The following SNTG1 variants were observed in gnomAD, a reference collection of about 807,000 sequenced individuals.
SNTG1 encodes syntrophin gamma 1.
Under a neutral mutation model 74.7 loss-of-function variants are expected in SNTG1, and 39 were observed. The ratio of observed to expected loss-of-function variants is 0.52; its 90% CI spans 0.40 to 0.68. The LOEUF is 0.68. Among genes scored for constraint, SNTG1 ranks in the 30% least tolerant of loss-of-function variants. SNTG1 has a pLI of 0.00. For synonymous variants in SNTG1, 254 were observed against 217.1 expected (o/e 1.17, Z -1.49); for missense variants, 685 against 609.5 (o/e 1.12, Z -1.30).
chr8:50,275,974 C>G (rs2088076838), intron 2 of SNTG1, among the ~76,000 whole-genome samples: 1 of 152,162 alleles, frequency 6.6e-6, no homozygotes, highest in Non-Finnish European at 1.5e-5. Flanking sequence ...AGTCCTCCAA[C>G]TAACAAATAT....
chr8:50,776,249 C>T (rs1303528000), intron 18 of SNTG1, among the ~76,000 whole-genome samples: 2 of 150,534 alleles, frequency 1.3e-5, no homozygotes, highest in East Asian at 3.9e-4. Flanking sequence ...TTTGAGCATA[C>T]TTCAACATAT....
At chr8:50,739,561 G>A (rs982945528) in intron 17 of SNTG1, among the ~76,000 whole-genome samples, 2 of 151,910 alleles carry the variant, frequency 1.3e-5, no homozygotes, top group South Asian at 2.1e-4. Context: ...TCCATTACTG[G>A]GTATATACTG....
intron 1 of SNTG1, among the ~76,000 whole-genome samples, chr8:49,970,164 A>G (rs1811529296): frequency 6.6e-6 from 1 of 152,100 alleles, no homozygotes; most frequent in Non-Finnish European, 1.5e-5. Flanking sequence ...CTCCAGTAAT[A>G]TCTCTGTATC....
intron 12 of SNTG1, among the ~76,000 whole-genome samples, chr8:50,571,586 C>A (rs1184454760): frequency 2.0e-5 from 3 of 152,156 alleles, no homozygotes; most frequent in Non-Finnish European, 4.4e-5. Context: ...TGCTGGCCTG[C>A]CTTGCTGGCC....
At chr8:50,787,874 A>G (rs2095680148) in intron 18 of SNTG1, among the ~76,000 whole-genome samples, 3 of 152,074 alleles carry the variant, frequency 2.0e-5, no homozygotes, top group African/African-American at 7.2e-5. Flanking sequence ...TACTGGGTAT[A>G]GGATATATTT....
intron 15 of SNTG1, among the ~76,000 whole-genome samples, chr8:50,701,787 C>T (rs1415139949): frequency 1.4e-5 from 2 of 145,314 alleles, no homozygotes; most frequent in Non-Finnish European, 3.0e-5. Context: ...TCTTCCTCTT[C>T]CTCCTCCTCC....
chr8:50,079,679 C>T (rs1309196239), intron 1 of SNTG1, among the ~76,000 whole-genome samples: 1 of 152,016 alleles, frequency 6.6e-6, no homozygotes, highest in Non-Finnish European at 1.5e-5. Context: ...TTTTCTTCTA[C>T]AGTTTTTATG....
intron 15 of SNTG1, among the ~76,000 whole-genome samples, chr8:50,685,979 G>C (rs1263772467): frequency 6.6e-6 from 1 of 152,040 alleles, no homozygotes; most frequent in African/African-American, 2.4e-5. Flanking sequence ...TGGGTGCACG[G>C]GTACCAAACA....
At chr8:50,539,581 C>G (rs554902126) in intron 11 of SNTG1, among the ~76,000 whole-genome samples, 1 of 152,286 alleles carries the variant, frequency 6.6e-6, no homozygotes, top group East Asian at 1.9e-4. Context: ...GTGGGAGAGA[C>G]TCAGCTCCTT....
intron 12 of SNTG1, among the ~76,000 whole-genome samples, chr8:50,589,725 A>T (rs1419559897): frequency 6.6e-6 from 1 of 152,198 alleles, no homozygotes; most frequent in Non-Finnish European, 1.5e-5. Context: ...AGATTTCCAC[A>T]AAGTACTCAG....
chr8:50,291,272 A>G lies in SNTG1; in HGVS notation c.-27-102940A>G, dbSNP rs192288331. On this transcript the variant is annotated intron_variant, in intron 2 of 18. Transcript: ENST00000642720. ...TGTGTGTGTGTGTGTGTGTGTGTAGAATGCAATGTCAGATAATGAAAAGGA... is the reference window on the plus strand; with the variant it reads ...TGTGTGTGTGTGTGTGTGTGTGTAGGATGCAATGTCAGATAATGAAAAGGA... Among the ~76,000 whole-genome samples the G allele has an allele frequency of 1.0e-4, 15 of 149,132 alleles. 1 individual carries two copies. In the East Asian group the frequency reaches 2.8e-3, roughly 27 times the overall value.
intron 1 of SNTG1, among the ~76,000 whole-genome samples, chr8:50,032,703 T>G (rs1817833966): frequency 6.6e-6 from 1 of 152,200 alleles, no homozygotes; most frequent in South Asian, 2.1e-4. Flanking sequence ...ACTTTTCAGT[T>G]GTACTTTGAA....
chr8:50,512,244 C>T (rs2094085319), intron 9 of SNTG1, among the ~76,000 whole-genome samples: 1 of 151,610 alleles, frequency 6.6e-6, no homozygotes, highest in East Asian at 1.9e-4. Flanking sequence ...AATATTGGCC[C>T]CCAGTCTCTT....
At position 50,170,049 on chromosome 8, in the gene SNTG1, C is replaced by T. The variant is rs1192916362; in HGVS notation, c.-102-2512C>T. Among the ~76,000 whole-genome samples the T allele has an allele frequency of 4.6e-5, 7 of 152,110 alleles. No homozygotes were observed. In the East Asian group the frequency reaches 1.4e-3, roughly 29 times the overall value. On this transcript the variant is annotated intron_variant, in intron 1 of 18. Coordinates refer to ENST00000642720, the MANE Select transcript of SNTG1 (RefSeq NM_018967.5). Reference sequence around the variant, plus strand: ...CATCTAGCCATTGAACTTCCTTTCCCTTTTTGCTCTTCATATTTGCACCTG... The same window carrying T: ...CATCTAGCCATTGAACTTCCTTTCCTTTTTTGCTCTTCATATTTGCACCTG...
At chr8:49,924,653 A>C (rs1230240545) in intron 1 of SNTG1, among the ~76,000 whole-genome samples, 1 of 152,092 alleles carries the variant, frequency 6.6e-6, no homozygotes, top group African/African-American at 2.4e-5. Flanking sequence ...GAGGGAGTTT[A>C]GACATTAATT....
chr8:50,626,677 T>G (rs182026410), intron 13 of SNTG1, among the ~76,000 whole-genome samples: 1 of 152,342 alleles, frequency 6.6e-6, no homozygotes. Flanking sequence ...ATGCTATTGT[T>G]TGTGGCTTAG....
At chr8:50,060,272 A>G (rs1176425910) in intron 1 of SNTG1, among the ~76,000 whole-genome samples, 1 of 152,116 alleles carries the variant, frequency 6.6e-6, no homozygotes, top group Non-Finnish European at 1.5e-5. Flanking sequence ...CTTATCAGAT[A>G]AAGCACCATA....
At position 49,991,175 on chromosome 8, in the gene SNTG1, A is replaced by G. The variant is rs61539840; in HGVS notation, c.-103+78944A>G. Among the ~76,000 whole-genome samples, 595 of 152,306 alleles carry G rather than the reference A, an allele frequency of 3.9e-3. 8 individuals are homozygous for G. Among genetic ancestry groups the G allele is most frequent in the African/African-American group, 0.012 (497 of 41,568 alleles). ...CACAGGAGGTATGCAAATCAACAAT[A>G]AACACATGAAAAAGATGATCAACAT... On this transcript the variant is annotated intron_variant, in intron 1 of 18. Transcript: ENST00000642720.
At chr8:50,545,986 G>C (rs1303574321) in intron 11 of SNTG1, among the ~76,000 whole-genome samples, 1 of 152,122 alleles carries the variant, frequency 6.6e-6, no homozygotes, top group East Asian at 1.9e-4. Context: ...AAACCTACAG[G>C]AATGTATATT....
Sources: gnomAD v4.1 joint callset for allele counts (sites outside exome capture counted in the v4.1 genomes callset) on GRCh38, gnomAD v4.1.1 for gene constraint, MANE v1.5 for transcripts, NCBI Gene and HGNC (gene_info 2026-07-23, HGNC 2026-07-21) for gene names.